The following CFAP44 variants were observed in gnomAD, a reference collection of about 807,000 sequenced individuals.
The protein encoded by CFAP44 is cilia and flagella associated protein 44, also known as cilia- and flagella-associated protein 44.
CFAP44 carries 134 observed loss-of-function variants against 216.2 expected under a neutral mutation model. That is an observed-to-expected ratio of 0.62 (90% CI 0.54 to 0.72). The LOEUF is 0.72. Ranked by LOEUF, CFAP44 falls within the 30% of genes least tolerant of loss-of-function variation. The pLI is 0.00. For synonymous variants in CFAP44, 700 were observed against 727.6 expected (o/e 0.96, Z 0.61); for missense variants, 2,035 against 2,182.1 (o/e 0.93, Z 1.34).
chr3:113,416,246 T>G (rs954820385), intron 6 of CFAP44, among the ~76,000 whole-genome samples: 1 of 152,162 alleles, frequency 6.6e-6, no homozygotes. Context: ...GTTTTGAGCC[T>G]GTGTGTGTCT....
chr3:113,397,814 T>TG (rs757111768), intron 13 of CFAP44, among the ~76,000 whole-genome samples: 5 of 152,100 alleles, frequency 3.3e-5, no homozygotes, highest in African/African-American at 9.7e-5. Context: ...GGTTTGTAGT[T>TG]GCTATTGTTG....
In CFAP44 at chr3:113,409,296, CA is replaced by C. The variant is rs752411914; in HGVS notation, c.699del (p.Tyr233Ter). 1 of 1,614,106 alleles carries C rather than the reference CA, an allele frequency of 6.2e-7. No homozygotes were observed. Among genetic ancestry groups the C allele is most frequent in the Non-Finnish European group, 8.5e-7 (1 of 1,180,008 alleles). The part of the protein sequence containing the change: ...LRDGTEKGYA[Y>X]VDFNYSGNLL... ...AAGTTACCGCTGTAGTTAAAGTCCA[CA>C]TAAGCATATCCCTTCTCAGTCCCAT... is the stretch of plus-strand genomic sequence containing the variant. On this transcript the variant is annotated frameshift_variant, in exon 7 of 35. Transcript: ENST00000393845. LOFTEE classifies it high-confidence loss of function.
At chr3:113,361,745 G>T (rs960746718) in intron 21 of CFAP44, among the ~76,000 whole-genome samples, 2 of 151,670 alleles carry the variant, frequency 1.3e-5, no homozygotes, top group Non-Finnish European at 2.9e-5. Flanking sequence ...TGATCCGCCC[G>T]CCTCGGCCTC....
intron 9 of CFAP44, among the ~76,000 whole-genome samples, chr3:113,402,368 G>C (rs1934166433): frequency 6.6e-6 from 1 of 152,198 alleles, no homozygotes; most frequent in Non-Finnish European, 1.5e-5. Flanking sequence ...ACAGTGAAGT[G>C]TAGATTGTTG....
chr3:113,412,745 T>C (rs1230476527), intron 6 of CFAP44, among the ~76,000 whole-genome samples: 1 of 152,256 alleles, frequency 6.6e-6, no homozygotes, highest in Non-Finnish European at 1.5e-5. Flanking sequence ...GATGTATATG[T>C]ACCACATTTT....
At chr3:113,302,654 G>A (rs906520603) in intron 32 of CFAP44, among the ~76,000 whole-genome samples, 3 of 150,422 alleles carry the variant, frequency 2.0e-5, no homozygotes, top group Non-Finnish European at 4.4e-5. Context: ...CTAGCTACTC[G>A]GGAGGCTGAG....
chr3:113,427,444 T>C, intron 2 of CFAP44, 105 bp from the exon 3 acceptor site: 1 of 773,452 alleles, frequency 1.3e-6, no homozygotes, highest in Non-Finnish European at 2.0e-6. Context: ...GTAATAAATC[T>C]AATACATACT....
chr3:113,343,171 C>G (rs1451605404), intron 23 of CFAP44, among the ~76,000 whole-genome samples: 1 of 150,494 alleles, frequency 6.6e-6, no homozygotes, highest in Non-Finnish European at 1.5e-5. Context: ...AAGTGATTCT[C>G]CCGCCACAGC....
Position 113,427,283 on chromosome 3 carries a change from T to C in CFAP44, c.157A>G (p.Lys53Glu), listed in dbSNP as rs59722850. 0.25 allele frequency: 396,822 copies of C among 1,610,802 alleles called. 53,431 individuals carry two copies. The highest frequency in any genetic ancestry group is 0.55 in the East Asian group (24,785 of 44,678). The change falls in exon 3 of 35, where the codon AAA (lysine) becomes GAA (glutamate). Residue 53 changes from lysine to glutamate, a missense_variant. By Grantham distance (56) the Lys-to-Glu change is moderately conservative. Around this residue, in one of 3 missense-constraint regions of CFAP44, gnomAD observed 149 missense variants for 141.8 expected, o/e 1.05. Transcript: ENST00000393845. ...TCTTCTAAATATGATCCTTCCCCTT[T>C]GGTAAATGTTTCATCTGTGTCATCT... ...LEDDTDETFT[K>E]GEGSYLEEDS...
In CFAP44 at chr3:113,399,258, G is replaced by C. The variant is rs576971969; in HGVS notation, c.1569+648C>G. ...CTGAGTTCCCAGACACTCTGAAGCA[G>C]AGACAATCCATCTCTGCTGTCACCC... is the stretch of plus-strand genomic sequence containing the variant. On this transcript the variant is annotated intron_variant, in intron 13 of 34. Coordinates refer to ENST00000393845, the MANE Select transcript of CFAP44 (RefSeq NM_001164496.2). Among the ~76,000 whole-genome samples the C allele has an allele frequency of 4.6e-5, 7 of 152,292 alleles. No homozygotes were observed. In the South Asian group the frequency reaches 1.5e-3, roughly 32 times the overall value.
chr3:113,433,658 C>T lies in CFAP44; in HGVS notation c.7G>A (p.Glu3Lys). The T allele has an allele frequency of 6.2e-7, 1 of 1,612,398 alleles. No individual in the cohort carries two copies. The change falls in exon 2 of 35, where the codon GAA (glutamate) becomes AAA (lysine). Residue 3 changes from glutamate (E) to lysine (K), a missense_variant. Physicochemically the swap from Glu to Lys is moderately conservative, Grantham distance 56. Coordinates refer to ENST00000393845, the MANE Select transcript of CFAP44 (RefSeq NM_001164496.2). ...CCATCAGTATCCTGATCATCTGGTT[C>T]CTTCATTTCCTCTGTAAGTACAAAA... is the stretch of plus-strand genomic sequence containing the variant. MKEPDDQDTDGEK... is the reference protein window; with the variant it reads MKKPDDQDTDGEK...
intron 22 of CFAP44, among the ~76,000 whole-genome samples, chr3:113,346,362 C>T (rs181515041): frequency 3.8e-4 from 56 of 148,908 alleles, no homozygotes; most frequent in East Asian, 3.0e-3. Flanking sequence ...TCTGTAAAAA[C>T]GCACCAATCA....
chr3:113,351,437 T>A (rs1227409672), intron 22 of CFAP44, among the ~76,000 whole-genome samples: 1 of 152,190 alleles, frequency 6.6e-6, no homozygotes, highest in East Asian at 1.9e-4. Flanking sequence ...TCTACTTCAT[T>A]ATCCTACTAC....
rs376072086 is a variant in CFAP44, at chr3:113,420,074, T to C, written c.513A>G (p.Lys171=). The change falls in exon 5 of 35, where the codon AAA becomes AAG. Residue 171 remains lysine, a synonymous_variant. Transcript: ENST00000393845. Reference sequence around the variant, plus strand: ...TTCGCAGGTAGATCTGTTCCTTGGTTTTCAAATTCAGAAAGATCAGTTGGT... The same window carrying C: ...TTCGCAGGTAGATCTGTTCCTTGGTCTTCAAATTCAGAAAGATCAGTTGGT... ...AGNQLIFLNL[K]TKEQIYLRSS... 25 of 1,613,786 alleles carry C rather than the reference T, an allele frequency of 1.5e-5. No individual in the cohort carries two copies. The highest frequency in any genetic ancestry group is 1.9e-5 in the Non-Finnish European group (23 of 1,179,876).
rs115901000 is a variant in CFAP44 at position 113,322,992 on chromosome 3, C to T, written c.4516+3453G>A. ...AAGGAGAAGTGCAGAGTGAAGTTGG[C>T]GGCGGGGAAGCCCCTTATAAAGCCA... On this transcript the variant is annotated intron_variant, in intron 28 of 34. Coordinates refer to ENST00000393845, the MANE Select transcript of CFAP44 (RefSeq NM_001164496.2). Among the ~76,000 whole-genome samples, 1,307 of 152,246 alleles carry T rather than the reference C, an allele frequency of 8.6e-3. 21 individuals carry two copies. Among genetic ancestry groups the T allele is most frequent in the African/African-American group, 0.03 (1,245 of 41,534 alleles).
At chr3:113,359,241 AT>A (rs1950516869) in intron 21 of CFAP44, among the ~76,000 whole-genome samples, 1 of 152,192 alleles carries the variant, frequency 6.6e-6, no homozygotes, top group African/African-American at 2.4e-5. Flanking sequence ...TTATCTGAAC[AT>A]CCCCCCTGGT....
At chr3:113,380,541 C>T (rs1559930116) in intron 16 of CFAP44, among the ~76,000 whole-genome samples, 2 of 152,102 alleles carry the variant, frequency 1.3e-5, no homozygotes, top group African/African-American at 4.8e-5. Context: ...AGCGATCCTC[C>T]CACCTCAGCC....
In CFAP44 at chr3:113,341,823, C is replaced by CA; in HGVS notation, c.3357dup (p.Glu1120Ter). 6.5e-7 allele frequency: 1 copy of CA among 1,530,740 alleles called. No individual in the cohort carries two copies. The highest frequency in any genetic ancestry group is 8.7e-7 in the Non-Finnish European group (1 of 1,145,406). The allele number at this position is 1,530,740 out of a possible 1,614,324, so 94.8% of individuals were successfully genotyped here. A position where few individuals can be genotyped will look rare whatever the true frequency, so the allele number is the denominator to read the frequency against. On this transcript the variant is annotated frameshift_variant, in exon 24 of 35. Transcript: ENST00000393845. LOFTEE classifies it high-confidence loss of function. ...TTTAATATAAGTTTTCTCGTTTTCT[C>CA]AATTTGATTTTCCACGATGATTTCA...
At chr3:113,412,549 G>T (rs918142996) in intron 6 of CFAP44, among the ~76,000 whole-genome samples, 7 of 152,028 alleles carry the variant, frequency 4.6e-5, no homozygotes, top group Admixed American at 6.6e-5. Context: ...ACAGGCCCTG[G>T]TGTGTGTTGT....
Sources: gnomAD v4.1 joint callset for allele counts (sites outside exome capture counted in the v4.1 genomes callset) on GRCh38, gnomAD v4.1.1 for gene constraint, gnomAD v4.1.1 regional missense constraint, MANE v1.5 for transcripts, NCBI Gene and HGNC (gene_info 2026-07-23, HGNC 2026-07-21) for gene names.